CTNNA1: variants seen among roughly 807,000 people sequenced by gnomAD.
The protein encoded by CTNNA1 is catenin alpha 1, also known as catenin alpha-1.
Under a neutral mutation model 98.4 loss-of-function variants are expected in CTNNA1, and 37 were observed. The observed-to-expected ratio is 0.38, with a 90% CI of 0.29 to 0.49. CTNNA1 has a LOEUF of 0.49. CTNNA1 is among the 20% of genes least tolerant of loss of function. The pLI is 0.95. For synonymous variants in CTNNA1, 404 were observed against 413.2 expected (o/e 0.98, Z 0.27); for missense variants, 761 against 1,147.2 (o/e 0.66, Z 4.86).
At chr5:138,806,934 G>C (rs1014073323) in intron 3 of CTNNA1, among the ~76,000 whole-genome samples, 6 of 151,374 alleles carry the variant, frequency 4.0e-5, no homozygotes, top group Admixed American at 2.6e-4. Flanking sequence ...GTAAGCAAAG[G>C]CTAATACCAC....
chr5:138,847,242 T>C (rs375205693), intron 7 of CTNNA1, among the ~76,000 whole-genome samples: 3 of 152,290 alleles, frequency 2.0e-5, no homozygotes, highest in East Asian at 3.9e-4. Context: ...ACAGCATGGA[T>C]TTTCACCTTT....
chr5:138,886,376 TA>T (rs1754032350), intron 8 of CTNNA1, 84 bp downstream of exon 8: 36 of 1,355,578 alleles, frequency 2.7e-5, no homozygotes, highest in Non-Finnish European at 3.1e-5. Flanking sequence ...ACTGGCCTTA[TA>T]TTTTTTTATT....
At chr5:138,755,536 A>G (rs903449879) in intron 1 of CTNNA1, among the ~76,000 whole-genome samples, 1 of 152,050 alleles carries the variant, frequency 6.6e-6, no homozygotes, top group African/African-American at 2.4e-5. Context: ...ATGTGGCATC[A>G]CCTTCACTCC....
At chr5:138,811,661 A>G (rs1427491441) in intron 4 of CTNNA1, among the ~76,000 whole-genome samples, 3 of 152,098 alleles carry the variant, frequency 2.0e-5, no homozygotes, top group Non-Finnish European at 4.4e-5. Flanking sequence ...TCCGTCTGCA[A>G]TCCCGGCACC....
chr5:138,925,510 T>C (rs1763827733), intron 13 of CTNNA1, 103 bp downstream of exon 13: 1 of 1,431,234 alleles, frequency 7.0e-7, no homozygotes, highest in Admixed American at 2.2e-5. Flanking sequence ...TGGCAGTATA[T>C]TAAAACCATG....
chr5:138,915,772 T>C (rs146166084), intron 10 of CTNNA1, among the ~76,000 whole-genome samples: 5 of 152,302 alleles, frequency 3.3e-5, no homozygotes, highest in Non-Finnish European at 7.4e-5. Context: ...GAGTGAACTT[T>C]GAAAACATTA....
intron 12 of CTNNA1, among the ~76,000 whole-genome samples, 181 bp downstream of exon 12, chr5:138,924,891 T>A (rs908485905): frequency 6.6e-6 from 1 of 152,218 alleles, no homozygotes; most frequent in Admixed American, 6.5e-5. Context: ...GCATATTTTC[T>A]TCATCTGTAT....
At position 138,781,968 on chromosome 5, in the gene CTNNA1, C is replaced by G. The variant is rs988942117; in HGVS notation, c.44C>G (p.Pro15Arg). ...HAGNINFKWD[P>R]KSLEIRTLAV... ...GGCAACATAAACTTCAAGTGGGATC[C>G]TAAAAGTCTAGAGATCAGGACTCTG... The change falls in exon 2 of 18, where the codon CCT becomes CGT. Residue 15 changes from proline to arginine, a missense_variant. By Grantham distance (103) the Pro-to-Arg change is moderately radical. Coordinates refer to ENST00000302763, the MANE Select transcript of CTNNA1 (RefSeq NM_001903.5). 3 of 1,601,538 alleles carry G rather than the reference C, an allele frequency of 1.9e-6. No homozygotes were observed. The highest frequency in any genetic ancestry group is 2.7e-5 in the African/African-American group (2 of 74,026).
chr5:138,760,646 G>A (rs1312134738), intron 1 of CTNNA1, among the ~76,000 whole-genome samples: 3 of 152,170 alleles, frequency 2.0e-5, no homozygotes, highest in African/African-American at 7.2e-5. Context: ...GATTACAGGC[G>A]TGAGCCACCA....
chr5:138,847,097 G>C (rs1762786344), intron 7 of CTNNA1, among the ~76,000 whole-genome samples: 1 of 152,108 alleles, frequency 6.6e-6, no homozygotes, highest in Non-Finnish European at 1.5e-5. Context: ...CTTTGTTCTA[G>C]GCCCACTTGA....
intron 11 of CTNNA1, among the ~76,000 whole-genome samples, chr5:138,922,144 A>G (rs1000356983): frequency 1.3e-5 from 2 of 152,180 alleles, no homozygotes; most frequent in African/African-American, 4.8e-5. Context: ...TTTTATGGAG[A>G]ATGCCAGTTG....
Position 138,873,600 on chromosome 5 carries a change from C to G in CTNNA1, c.1063-12612C>G. ...AAACTGCCCAGCCAGGAGGCCAGAGCACATATTCGGGCGCTGCATTCCCAC... is the reference window on the plus strand; with the variant it reads ...AAACTGCCCAGCCAGGAGGCCAGAGGACATATTCGGGCGCTGCATTCCCAC... On this transcript the variant is annotated intron_variant, in intron 7 of 17. Coordinates refer to ENST00000302763, the MANE Select transcript of CTNNA1 (RefSeq NM_001903.5). The surrounding 1 kb of genome is among the most constrained non-coding windows in gnomAD (Gnocchi z 6.1). 6.2e-7 allele frequency: 1 copy of G among 1,613,980 alleles called. No homozygotes were observed. Among genetic ancestry groups the G allele is most frequent in the Non-Finnish European group, 8.5e-7 (1 of 1,179,886 alleles).
rs57467422 is a variant in CTNNA1 at position 138,776,039 on chromosome 5, CTTTTTTTTTTTTT to C, written c.-2-5872_-2-5860del. ...CCATGCCCGGCCTCTGGAAATGTTT[CTTTTTTTTTTTTT>C]TTTTTTTTTTTATTGATCATTCTTG... On this transcript the variant is annotated intron_variant, in intron 1 of 17. Transcript: ENST00000302763. Among the ~76,000 whole-genome samples, 447 of 83,898 alleles carry C rather than the reference CTTTTTTTTTTTTT, an allele frequency of 5.3e-3. 1 individual carries two copies. Among genetic ancestry groups the C allele is most frequent in the Middle Eastern group, 0.036 (3 of 84 alleles). 55.0% of individuals were successfully genotyped at this position (83,898 alleles called of 152,430 possible).
chr5:138,813,780 G>A (rs1469970124), intron 5 of CTNNA1, among the ~76,000 whole-genome samples: 2 of 151,972 alleles, frequency 1.3e-5, no homozygotes, highest in Non-Finnish European at 2.9e-5. Flanking sequence ...CACCACACCC[G>A]GCTAATTTTT....
At position 138,845,709 on chromosome 5, in the gene CTNNA1, G is replaced by C. The variant is rs1762652487; in HGVS notation, c.1062+17991G>C. 2.6e-5 allele frequency among the ~76,000 whole-genome samples: 4 copies of C among 152,126 alleles called. No homozygotes were observed. In the South Asian group the frequency reaches 8.3e-4, roughly 32 times the overall value. On this transcript the variant is annotated intron_variant, in intron 7 of 17. Coordinates refer to ENST00000302763, the MANE Select transcript of CTNNA1 (RefSeq NM_001903.5). ...GAGAATGGATAAAACTGTGATCCTT[G>C]AGGCATAAGGAGCAAATTTAGACTG... is the stretch of plus-strand genomic sequence containing the variant.
At chr5:138,850,211 G>T (rs1034256411) in intron 7 of CTNNA1, among the ~76,000 whole-genome samples, 3 of 151,970 alleles carry the variant, frequency 2.0e-5, no homozygotes, top group African/African-American at 7.3e-5. Flanking sequence ...CAAACCATCC[G>T]CAATTTGTGC....
At chr5:138,788,211 C>T (rs1755934947) in intron 3 of CTNNA1, among the ~76,000 whole-genome samples, 2 of 152,174 alleles carry the variant, frequency 1.3e-5, no homozygotes, top group African/African-American at 4.8e-5. Context: ...TCCAGCAGTG[C>T]AGGTTCTGTG....
At chr5:138,878,489 C>T (rs948542338) in intron 7 of CTNNA1, among the ~76,000 whole-genome samples, 3 of 152,176 alleles carry the variant, frequency 2.0e-5, no homozygotes, top group Non-Finnish European at 1.5e-5. Context: ...TCCATATGAT[C>T]TGTTTCAATT....
chr5:138,886,540 C>T (rs2150025932), intron 8 of CTNNA1, among the ~76,000 whole-genome samples: 1 of 152,222 alleles, frequency 6.6e-6, no homozygotes, highest in East Asian at 1.9e-4. Context: ...AAGGCATGTA[C>T]AGGTAGGAAA....
Sources: gnomAD v4.1 joint callset for allele counts (sites outside exome capture counted in the v4.1 genomes callset) on GRCh38, gnomAD v4.1.1 for gene constraint, Gnocchi (gnomAD v3.1) non-coding constraint, MANE v1.5 for transcripts, NCBI Gene and HGNC (gene_info 2026-07-23, HGNC 2026-07-21) for gene names.